C2orf42: variants seen among roughly 807,000 people sequenced by gnomAD.
C2orf42 encodes chromosome 2 open reading frame 42, also known as uncharacterized protein C2orf42.
C2orf42 carries 44 observed loss-of-function variants against 58.9 expected under a neutral mutation model. The ratio of observed to expected loss-of-function variants is 0.75; its 90% CI spans 0.59 to 0.96. The LOEUF (loss-of-function observed/expected upper bound fraction) is 0.96, where lower values mean the gene tolerates loss of function less well. Ranked by LOEUF, C2orf42 falls within the 40% of genes least tolerant of loss-of-function variation. The probability of loss-of-function intolerance (pLI) is 0.00; values close to 1 mark genes in which losing one functional copy is unlikely to be tolerated. For synonymous variants in C2orf42, 239 were observed against 265.4 expected (o/e 0.90, Z 0.97); for missense variants, 630 against 699.2 (o/e 0.90, Z 1.12).
In C2orf42 at chr2:70,150,353, G is replaced by T. The variant is rs747754009; in HGVS notation, c.*3C>A. ...CAGCAAAAGATTATTATCTTGTTTT[G>T]CTTTAAGGGAAAGTAATAGTGGTCA... On this transcript the variant is annotated 3_prime_UTR_variant, in exon 10 of 10. Transcript: ENST00000264434. 5 of 1,612,320 alleles carry T rather than the reference G, an allele frequency of 3.1e-6. No homozygotes were observed. The highest frequency in any genetic ancestry group is 4.2e-6 in the Non-Finnish European group (5 of 1,179,070).
intron 4 of C2orf42, among the ~76,000 whole-genome samples, chr2:70,177,088 A>G (rs1383187960): frequency 6.6e-6 from 1 of 152,066 alleles, no homozygotes; most frequent in African/African-American, 2.4e-5. Flanking sequence ...TCTGGCCAAC[A>G]TGGTGAAACC....
Position 70,150,375 on chromosome 2 carries a change from G to C in C2orf42, c.1706C>G (p.Thr569Ser). The C allele has an allele frequency of 6.2e-7, 1 of 1,613,876 alleles. No individual in the cohort carries two copies. The highest frequency in any genetic ancestry group is 1.1e-5 in the South Asian group (1 of 91,060). Residue 569 changes from threonine (T) to serine (S), a missense_variant, in exon 10 of 10, where the codon ACC (threonine) becomes AGC (serine). Physicochemically the swap from Thr to Ser is moderately conservative, Grantham distance 58 (BLOSUM62 1). Coordinates refer to ENST00000264434, the MANE Select transcript of C2orf42 (RefSeq NM_017880.3). Reference sequence around the variant, plus strand: ...TTTGCTTTAAGGGAAAGTAATAGTGGTCAGAGGGGCCAGTTCCAAGGGCTG... The same window carrying C: ...TTTGCTTTAAGGGAAAGTAATAGTGCTCAGAGGGGCCAGTTCCAAGGGCTG... ...LDQPLELAPL[T>S]TITFP
rs374028791 is a variant in C2orf42, at chr2:70,181,952, C to T, written c.34G>A (p.Ala12Thr). 1.5e-5 allele frequency: 24 copies of T among 1,613,040 alleles called. No individual in the cohort carries two copies. The highest frequency in any genetic ancestry group is 2.0e-5 in the Non-Finnish European group (24 of 1,179,466). The change falls in exon 3 of 10, where the codon GCT (alanine) becomes ACT (threonine). Residue 12 changes from alanine (A) to threonine (T), a missense_variant. Coordinates refer to ENST00000264434, the MANE Select transcript of C2orf42 (RefSeq NM_017880.3). ...GCCTTCCCCAAATCAGATAAGAAAG[C>T]TGGGACTTTAGTCCTCAGAGAATTT... ...EPNSLRTKVP[A>T]FLSDLGKATL...
At chr2:70,165,982 C>A (rs1673374535) in intron 6 of C2orf42, among the ~76,000 whole-genome samples, 1 of 151,858 alleles carries the variant, frequency 6.6e-6, no homozygotes, top group Non-Finnish European at 1.5e-5. Context: ...CCTCTGCCTC[C>A]CGGGTTCAAG....
intron 1 of C2orf42, among the ~76,000 whole-genome samples, chr2:70,189,276 T>C (rs1343522171): frequency 6.6e-6 from 1 of 150,662 alleles, no homozygotes; most frequent in Non-Finnish European, 1.5e-5. Context: ...CGTGGTGACG[T>C]ATGCCTGTAA....
intron 6 of C2orf42, among the ~76,000 whole-genome samples, chr2:70,167,077 G>A (rs1173499503): frequency 2.0e-5 from 3 of 152,052 alleles, no homozygotes; most frequent in Non-Finnish European, 4.4e-5. Flanking sequence ...AGAACCTTGC[G>A]GCCAGGCACA....
chr2:70,171,408 G>A (rs951010846), intron 5 of C2orf42, among the ~76,000 whole-genome samples: 10 of 152,154 alleles, frequency 6.6e-5, no homozygotes, highest in Non-Finnish European at 1.0e-4. Context: ...TCATGCCAAG[G>A]TTGACCACAA....
intron 9 of C2orf42, among the ~76,000 whole-genome samples, chr2:70,151,181 G>T (rs1299501096): frequency 1.3e-5 from 2 of 152,166 alleles, no homozygotes; most frequent in African/African-American, 4.8e-5. Flanking sequence ...GTGAGACCCT[G>T]TCTCTACAAA....
At chr2:70,186,799 T>G (rs1674966518) in intron 1 of C2orf42, among the ~76,000 whole-genome samples, 1 of 152,150 alleles carries the variant, frequency 6.6e-6, no homozygotes, top group Non-Finnish European at 1.5e-5. Context: ...TCATGTCCTT[T>G]GTAGGGACAT....
intron 1 of C2orf42, among the ~76,000 whole-genome samples, chr2:70,184,143 C>T (rs1674767663): frequency 6.6e-6 from 1 of 152,042 alleles, no homozygotes; most frequent in Non-Finnish European, 1.5e-5. Context: ...GGGACTAGTT[C>T]ATAGCACCAA....
In C2orf42 at chr2:70,159,037, G is replaced by A. The variant is rs35522026; in HGVS notation, c.1516+1588C>T. Among the ~76,000 whole-genome samples, 1,099 of 139,990 alleles carry A rather than the reference G, an allele frequency of 7.9e-3. 6 individuals carry two copies. Among genetic ancestry groups the A allele is most frequent in the Non-Finnish European group, 0.013 (852 of 65,672 alleles). 91.8% of individuals were successfully genotyped at this position (139,990 alleles called of 152,430 possible). A position where few individuals can be genotyped will look rare whatever the true frequency, so the allele number is the denominator to read the frequency against. On this transcript the variant is annotated intron_variant, in intron 9 of 9. Transcript: ENST00000264434. ...CACCATTCTCCTGCCTCAGCCTCCCGCCACCGCGCCCAGCTAATTTTTTGT... is the reference window on the plus strand; with the variant it reads ...CACCATTCTCCTGCCTCAGCCTCCCACCACCGCGCCCAGCTAATTTTTTGT...
At chr2:70,151,228 A>T (rs2104811946) in intron 9 of C2orf42, among the ~76,000 whole-genome samples, 1 of 152,314 alleles carries the variant, frequency 6.6e-6, no homozygotes, top group South Asian at 2.1e-4. Flanking sequence ...ATGTGCCCAT[A>T]GTCCCAACTA....
intron 9 of C2orf42, among the ~76,000 whole-genome samples, chr2:70,154,083 A>AAC (rs1672491696): frequency 6.7e-6 from 1 of 150,274 alleles, no homozygotes; most frequent in Admixed American, 6.7e-5. Flanking sequence ...AAAAAAAAAA[A>AAC]CACAGAAATT....
chr2:70,150,849 G>A (rs568155771), intron 9 of C2orf42, among the ~76,000 whole-genome samples: 1 of 152,162 alleles, frequency 6.6e-6, no homozygotes, highest in African/African-American at 2.4e-5. Context: ...GGGTTCAAGC[G>A]ATTCTCCTTC....
chr2:70,168,297 T>TC (rs1673545608), intron 6 of C2orf42, among the ~76,000 whole-genome samples: 1 of 150,728 alleles, frequency 6.6e-6, no homozygotes, highest in Non-Finnish European at 1.5e-5. Flanking sequence ...ATCCTTTTTT[T>TC]TTTTTTTTGA....
At chr2:70,151,122 C>T (rs574571116) in intron 9 of C2orf42, among the ~76,000 whole-genome samples, 2 of 152,112 alleles carry the variant, frequency 1.3e-5, no homozygotes, top group Non-Finnish European at 2.9e-5. Flanking sequence ...GTGGGCAAGG[C>T]GAGAGGATAG....
chr2:70,190,695 C>G (rs1330186433), intron 1 of C2orf42: 1 of 152,152 alleles, frequency 6.6e-6, no homozygotes, highest in Non-Finnish European at 1.5e-5. Flanking sequence ...GCTCACCTCC[C>G]GGCCGGCTTC....
At chr2:70,185,720 A>T (rs190133895) in intron 1 of C2orf42, among the ~76,000 whole-genome samples, 4,134 of 150,900 alleles carry the variant, frequency 0.027, 49 homozygotes, top group African/African-American at 0.035. Flanking sequence ...CACAAAAAAA[A>T]ATATATATAT....
rs756601319 is a variant in C2orf42 at position 70,181,164 on chromosome 2, G to A, written c.822C>T (p.Ser274=). 5.3e-5 allele frequency: 81 copies of A among 1,541,030 alleles called. No homozygotes were observed. The highest frequency in any genetic ancestry group is 9.6e-5 in the South Asian group (8 of 83,060). Residue 274 remains serine (S), a splice_region_variant and synonymous_variant, in exon 3 of 10, where the codon AGC becomes AGT. Transcript: ENST00000264434. The part of the protein sequence containing the change: ...EFSDFLNFDS[S]GLKEIIVPQL... ...AACCACATCAACCATACCACCTACC[G>A]CTGGAATCAAAATTTAGGAAGTCTG...
Sources: gnomAD v4.1 joint callset for allele counts (sites outside exome capture counted in the v4.1 genomes callset) on GRCh38, gnomAD v4.1.1 for gene constraint, MANE v1.5 for transcripts, NCBI Gene and HGNC (gene_info 2026-07-23, HGNC 2026-07-21) for gene names.